Variants in NCOA7 observed in about 807,000 individuals in gnomAD.
NCOA7 encodes 140 kDa estrogen receptor-associated protein.
NCOA7 carries 45 observed loss-of-function variants against 104.3 expected under a neutral mutation model. That is an observed-to-expected ratio of 0.43 (90% CI 0.34 to 0.55). The LOEUF (loss-of-function observed/expected upper bound fraction) is 0.55, where lower values mean the gene tolerates loss of function less well. Among genes scored for constraint, NCOA7 ranks in the 20% least tolerant of loss-of-function variants. NCOA7 has a pLI of 0.02. For missense variants in NCOA7, 1,041 were observed against 1,119.7 expected (o/e 0.93, Z 1.00); for synonymous variants, 398 against 402.3 (o/e 0.99, Z 0.13).
intron 2 of NCOA7, 72 bp from the exon 3 acceptor site, chr6:125,854,948 C>A: frequency 1.0e-6 from 1 of 1,003,300 alleles, no homozygotes; most frequent in Non-Finnish European, 1.5e-6. Flanking sequence ...AGTCCAGCAG[C>A]GTGAAATTAA....
rs57168444 is a variant in NCOA7, at chr6:125,840,868, G to GTTTTTTTTTTTTTTTTTTTTT, written c.51-14130_51-14110dup. The stretch of plus-strand genomic sequence containing the variant: ...TTTTATGGTTTTTTTTGTTTGGTTG[G>GTTTTTTTTTTTTTTTTTTTTT]TTTTTTTTTTTTTTTTTTTTTTTTT... On this transcript the variant is annotated intron_variant, in intron 2 of 15. Transcript: ENST00000392477. 1.7e-4 allele frequency among the ~76,000 whole-genome samples: 7 copies of GTTTTTTTTTTTTTTTTTTTTT among 40,376 alleles called. 1 individual carries two copies. Among genetic ancestry groups the GTTTTTTTTTTTTTTTTTTTTT allele is most frequent in the Non-Finnish European group, 2.1e-4 (5 of 23,448 alleles). 26.5% of individuals were successfully genotyped at this position (40,376 alleles called of 152,430 possible).
intron 3 of NCOA7, among the ~76,000 whole-genome samples, chr6:125,860,051 G>A (rs113886426): frequency 3.2e-4 from 49 of 152,246 alleles, no homozygotes; most frequent in African/African-American, 1.1e-3. Flanking sequence ...AACACCTAGC[G>A]CAGCACCTGG....
chr6:125,871,456 C>T (rs1182356890), intron 3 of NCOA7, among the ~76,000 whole-genome samples: 2 of 152,236 alleles, frequency 1.3e-5, no homozygotes, highest in Non-Finnish European at 2.9e-5. Flanking sequence ...ATCTTTTCAA[C>T]TCACTGCAAA....
At chr6:125,851,635 G>A (rs1205633731) in intron 2 of NCOA7, among the ~76,000 whole-genome samples, 2 of 152,134 alleles carry the variant, frequency 1.3e-5, no homozygotes. Flanking sequence ...TTGCTGGATC[G>A]AATGGTAGAT....
At chr6:125,915,763 G>A (rs1583540166) in intron 11 of NCOA7, among the ~76,000 whole-genome samples, 1 of 151,382 alleles carries the variant, frequency 6.6e-6, no homozygotes, top group East Asian at 1.9e-4. Flanking sequence ...ATTTTTTTTT[G>A]TAAAGGGCAA....
intron 2 of NCOA7, among the ~76,000 whole-genome samples, chr6:125,828,464 T>TC (rs1454903521): frequency 1.3e-5 from 2 of 152,164 alleles, no homozygotes; most frequent in Non-Finnish European, 2.9e-5. Context: ...TCTAGCTAAT[T>TC]CTTTTGGGAA....
At chr6:125,829,562 A>G (rs1778968009) in intron 2 of NCOA7, among the ~76,000 whole-genome samples, 1 of 152,216 alleles carries the variant, frequency 6.6e-6, no homozygotes, top group Non-Finnish European at 1.5e-5. Context: ...TCTCCAGCAA[A>G]GGAAGCCACT....
chr6:125,878,243 T>C lies in NCOA7; in HGVS notation c.352-20T>C, dbSNP rs1771098886. ...TTTTTTTGCTTTATTTATTGACTCT[T>C]ACCTGTTTGATTATTCTAGGCTGGA... On this transcript the variant is annotated intron_variant, in intron 4 of 15. Transcript: ENST00000392477. 1 of 1,571,280 alleles carries C rather than the reference T, an allele frequency of 6.4e-7. No homozygotes were observed. The highest frequency in any genetic ancestry group is 1.2e-5 in the South Asian group (1 of 85,456).
At chr6:125,910,445 A>G (rs1786426129) in intron 10 of NCOA7, among the ~76,000 whole-genome samples, 1 of 152,216 alleles carries the variant, frequency 6.6e-6, no homozygotes, top group Non-Finnish European at 1.5e-5. Flanking sequence ...AGATGGACTA[A>G]ATTTTTAAGT....
chr6:125,912,887 A>G (rs1014015597), intron 10 of NCOA7, among the ~76,000 whole-genome samples: 12 of 152,328 alleles, frequency 7.9e-5, no homozygotes, highest in African/African-American at 2.6e-4. Context: ...GTGGTCACCT[A>G]TGGGGCTTGG....
chr6:125,800,785 G>T (rs1173934813), intron 1 of NCOA7, among the ~76,000 whole-genome samples: 1 of 152,214 alleles, frequency 6.6e-6, no homozygotes, highest in Admixed American at 6.5e-5. Flanking sequence ...CCAACATTTT[G>T]GGAGGCCAAG....
intron 2 of NCOA7, among the ~76,000 whole-genome samples, chr6:125,837,828 A>C (rs1241756235): frequency 1.3e-5 from 2 of 152,202 alleles, no homozygotes; most frequent in African/African-American, 4.8e-5. Context: ...TACTATTTAA[A>C]AATGGAAAGT....
intron 5 of NCOA7, 56 bp downstream of exon 5, chr6:125,878,426 C>A: frequency 8.1e-7 from 1 of 1,235,466 alleles, no homozygotes; most frequent in Non-Finnish European, 1.1e-6. Flanking sequence ...TCTTTTATTG[C>A]CGTTTTCAGT....
chr6:125,865,117 A>G lies in NCOA7; in HGVS notation c.272-9772A>G, dbSNP rs555313949. 2.9e-5 allele frequency among the ~76,000 whole-genome samples: 4 copies of G among 138,146 alleles called. 1 individual carries two copies. Among genetic ancestry groups the G allele is most frequent in the South Asian group, 2.2e-4 (1 of 4,584 alleles). 90.6% of individuals were successfully genotyped at this position (138,146 alleles called of 152,430 possible). A position where few individuals can be genotyped will look rare whatever the true frequency, so the allele number is the denominator to read the frequency against. Reference sequence around the variant, plus strand: ...TGATCTGCTACAAAAAATGTAGCCTATTTTACAAACGTAAAAACTGAGAAG... The same window carrying G: ...TGATCTGCTACAAAAAATGTAGCCTGTTTTACAAACGTAAAAACTGAGAAG... On this transcript the variant is annotated intron_variant, in intron 3 of 15. Coordinates refer to ENST00000392477, the MANE Select transcript of NCOA7 (RefSeq NM_181782.5).
intron 8 of NCOA7, among the ~76,000 whole-genome samples, chr6:125,886,442 T>A (rs1400155778): frequency 6.6e-6 from 1 of 152,242 alleles, no homozygotes; most frequent in Non-Finnish European, 1.5e-5. Context: ...GGATATTAAG[T>A]ATTCTATTTA....
intron 10 of NCOA7, among the ~76,000 whole-genome samples, chr6:125,909,452 TTGAG>T (rs1786321050): frequency 6.6e-6 from 1 of 152,124 alleles, no homozygotes; most frequent in African/African-American, 2.4e-5. Context: ...ACACCTGTAA[TTGAG>T]TAAGTCAGGT....
intron 10 of NCOA7, among the ~76,000 whole-genome samples, chr6:125,897,512 T>TGGA (rs1785130012): frequency 6.6e-6 from 1 of 152,248 alleles, no homozygotes; most frequent in South Asian, 2.1e-4. Flanking sequence ...TTATTTTTCC[T>TGGA]GGAATTGGCA....
chr6:125,908,010 A>T (rs1421114506), intron 10 of NCOA7, among the ~76,000 whole-genome samples: 1 of 152,162 alleles, frequency 6.6e-6, no homozygotes, highest in Non-Finnish European at 1.5e-5. Flanking sequence ...GTCCCAAGAA[A>T]GCCTGTGCTT....
chr6:125,847,042 A>G (rs1780675509), intron 2 of NCOA7, among the ~76,000 whole-genome samples: 1 of 152,230 alleles, frequency 6.6e-6, no homozygotes, highest in Admixed American at 6.5e-5. Flanking sequence ...TTATTATAGT[A>G]GGAGAGAGAT....
Sources: allele counts gnomAD v4.1 joint callset (sites outside exome capture counted in the v4.1 genomes callset), GRCh38; gene constraint gnomAD v4.1.1; transcripts MANE v1.5; gene names NCBI Gene and HGNC (gene_info 2026-07-23, HGNC 2026-07-21).